Variants in OCA2 observed in about 807,000 individuals in gnomAD.
OCA2 encodes the protein OCA2 melanosomal transmembrane protein.
Under a neutral mutation model 100.2 loss-of-function variants are expected in OCA2, and 77 were observed. The observed-to-expected ratio is 0.77, with a 90% confidence interval of 0.64 to 0.93. OCA2 has a LOEUF of 0.93. Among genes scored for constraint, OCA2 ranks in the 40% least tolerant of loss-of-function variants. The probability of loss-of-function intolerance (pLI) is 0.00; values close to 1 mark genes in which losing one functional copy is unlikely to be tolerated. For synonymous variants in OCA2, 432 were observed against 439.2 expected, an observed-to-expected ratio of 0.98 and a Z score of 0.21; for missense variants, 1,062 against 1,089.1, an observed-to-expected ratio of 0.98 and a Z score of 0.35.
chr15:27,840,345 A>G (rs2035299534), intron 23 of OCA2, among the ~76,000 whole-genome samples: 2 of 152,196 alleles, frequency 1.3e-5, no homozygotes, highest in African/African-American at 4.8e-5. Context: ...AAACAAATCC[A>G]CAGATAAGAA....
At chr15:27,983,002 T>C (rs780459862) in intron 14 of OCA2, among the ~76,000 whole-genome samples, 1 of 152,180 alleles carries the variant, frequency 6.6e-6, no homozygotes, top group Non-Finnish European at 1.5e-5. Context: ...ATCCCATATC[T>C]CCAGTGAGAG....
downstream of OCA2, among the ~76,000 whole-genome samples, chr15:27,751,722 G>C (rs567029109): frequency 6.6e-6 from 1 of 152,176 alleles, no homozygotes; most frequent in Non-Finnish European, 1.5e-5. Context: ...ACACACTGTA[G>C]GGAGATGCTG....
chr15:27,821,849 GCA>G (rs2034521420), intron 23 of OCA2, among the ~76,000 whole-genome samples: 2 of 152,126 alleles, frequency 1.3e-5, no homozygotes, highest in Non-Finnish European at 2.9e-5. Flanking sequence ...GCTCGCATAT[GCA>G]CACACACTTT....
At chr15:28,076,237 C>T (rs1265595249) in intron 2 of OCA2, among the ~76,000 whole-genome samples, 2 of 152,178 alleles carry the variant, frequency 1.3e-5, no homozygotes, top group African/African-American at 4.8e-5. Context: ...GTTCTCCCTT[C>T]GACCTCCAAA....
At chr15:28,084,661 T>C (rs1319337258) in intron 1 of OCA2, among the ~76,000 whole-genome samples, 1 of 152,058 alleles carries the variant, frequency 6.6e-6, no homozygotes, top group Non-Finnish European at 1.5e-5. Context: ...TGGGGAAAAA[T>C]CTGCTGCCAA....
intron 15 of OCA2, among the ~76,000 whole-genome samples, chr15:27,960,279 T>A (rs992984916): frequency 6.6e-6 from 1 of 152,226 alleles, no homozygotes; most frequent in Non-Finnish European, 1.5e-5. Flanking sequence ...CATTATTGTG[T>A]CACAGGTGTC....
the OCA2 span, among the ~76,000 whole-genome samples, chr15:27,735,470 T>A: frequency 3.3e-5 from 5 of 151,972 alleles, no homozygotes; most frequent in African/African-American, 1.2e-4. Context: ...GGAAAACTTT[T>A]CAAACCTAGA....
At chr15:27,922,274 G>T (rs2038885243) in intron 19 of OCA2, among the ~76,000 whole-genome samples, 1 of 152,200 alleles carries the variant, frequency 6.6e-6, no homozygotes, top group South Asian at 2.1e-4. Context: ...TTTAAGCATT[G>T]CAGTAAACCA....
chr15:27,778,554 A>G (rs2032368866), intron 23 of OCA2, among the ~76,000 whole-genome samples: 1 of 152,222 alleles, frequency 6.6e-6, no homozygotes, highest in South Asian at 2.1e-4. Context: ...TTAAAGCTAT[A>G]ACGTTCTGCT....
At chr15:27,745,042 C>T in the OCA2 span, among the ~76,000 whole-genome samples, 1 of 152,152 alleles carries the variant, frequency 6.6e-6, no homozygotes, top group African/African-American at 2.4e-5. Flanking sequence ...AAATGTACTC[C>T]TTTTGTTACA....
intron 5 of OCA2, among the ~76,000 whole-genome samples, chr15:28,022,940 C>G (rs769070469): frequency 6.6e-6 from 1 of 152,146 alleles, no homozygotes; most frequent in Non-Finnish European, 1.5e-5. Context: ...TGCAAAGCAC[C>G]TTATACACCA....
At chr15:27,938,260 AG>A (rs2039526393) in intron 18 of OCA2, among the ~76,000 whole-genome samples, 1 of 152,160 alleles carries the variant, frequency 6.6e-6, no homozygotes, top group African/African-American at 2.4e-5. Flanking sequence ...GCTGTGCAGG[AG>A]GGGAAGAAGA....
chr15:28,073,558 G>T (rs970564342), intron 2 of OCA2, among the ~76,000 whole-genome samples: 1 of 152,154 alleles, frequency 6.6e-6, no homozygotes. Context: ...AGCACACATG[G>T]ACATGAGTGT....
chr15:28,048,503 AAG>A (rs1459376115), intron 2 of OCA2, among the ~76,000 whole-genome samples: 1 of 152,156 alleles, frequency 6.6e-6, no homozygotes, highest in Non-Finnish European at 1.5e-5. Context: ...CAAAAGAATG[AAG>A]TTAGACCCCT....
intron 22 of OCA2, among the ~76,000 whole-genome samples, chr15:27,846,516 A>T (rs1234747302): frequency 6.6e-6 from 1 of 152,012 alleles, no homozygotes; most frequent in Non-Finnish European, 1.5e-5. Flanking sequence ...AAAAGACTCC[A>T]CTTATTTTCT....
chr15:27,978,690 AT>A (rs914971006), intron 14 of OCA2, among the ~76,000 whole-genome samples: 29 of 150,142 alleles, frequency 1.9e-4, no homozygotes, highest in East Asian at 1.2e-3. Context: ...AGAGAGAGAC[AT>A]TTTTTTTTTT....
rs549500419 is a variant in OCA2 at position 27,943,881 on chromosome 15, C to T, written c.1951+7903G>A. Among the ~76,000 whole-genome samples, 5 of 152,200 alleles carry T rather than the reference C, an allele frequency of 3.3e-5. No homozygotes were observed. In the East Asian group the frequency reaches 9.7e-4, roughly 29 times the overall value. ...CCGGACTGAACCAATACACAACTTA[C>T]ATGTATTGGTGAATATCTTCCTGTA... On this transcript the variant is annotated intron_variant, in intron 18 of 23. Coordinates refer to ENST00000354638, the MANE Select transcript of OCA2 (RefSeq NM_000275.3).
chr15:27,889,324 T>G (rs1435184103), intron 19 of OCA2, among the ~76,000 whole-genome samples: 1 of 152,198 alleles, frequency 6.6e-6, no homozygotes, highest in East Asian at 1.9e-4. Flanking sequence ...TGTAGTAGGA[T>G]AATGTGGGAG....
chr15:27,843,442 A>G (rs1197013019), intron 23 of OCA2, among the ~76,000 whole-genome samples: 3 of 152,188 alleles, frequency 2.0e-5, no homozygotes, highest in Admixed American at 2.0e-4. Context: ...GGCCACTGCT[A>G]TATTTGCTGT....
Sources: gnomAD v4.1 joint callset for allele counts (sites outside exome capture counted in the v4.1 genomes callset) on GRCh38, gnomAD v4.1.1 for gene constraint, MANE v1.5 for transcripts, NCBI Gene and HGNC (gene_info 2026-07-23, HGNC 2026-07-21) for gene names.